The following NSD1 variants were observed in gnomAD, a reference collection of about 807,000 sequenced individuals.
NSD1 encodes nuclear receptor binding SET domain protein 1.
Under a neutral mutation model 242.7 loss-of-function variants are expected in NSD1, and 26 were observed. The ratio of observed to expected loss-of-function variants is 0.11; its 90% CI spans 0.08 to 0.15. NSD1 has a LOEUF of 0.15. Among genes scored for constraint, NSD1 ranks in the 10% least tolerant of loss-of-function variants. NSD1 has a pLI of 1.00. For synonymous variants in NSD1, 1,106 were observed against 1,178.1 expected (o/e 0.94, Z 1.25); for missense variants, 2,495 against 3,272.8 (o/e 0.76, Z 5.80).
At chr5:177,239,707 C>T (rs756620537) in intron 7 of NSD1, 49 bp from the exon 8 acceptor site, 1 of 1,128,528 alleles carries the variant, frequency 8.9e-7, no homozygotes, top group Non-Finnish European at 1.3e-6. Context: ...TAAAAATTAA[C>T]TTGTGCCCAG....
At chr5:177,159,740 A>G (rs1010975050) in intron 2 of NSD1, among the ~76,000 whole-genome samples, 1 of 151,162 alleles carries the variant, frequency 6.6e-6, no homozygotes, top group Non-Finnish European at 1.5e-5. Context: ...TTGCAGGCAT[A>G]TACCACCACG....
chr5:177,138,082 AAAAACAAC>A (rs1173704592), intron 2 of NSD1, among the ~76,000 whole-genome samples: 1 of 143,938 alleles, frequency 6.9e-6, no homozygotes, highest in African/African-American at 2.7e-5. Flanking sequence ...TCTCAAAAAA[AAAAACAAC>A]AAAAAAACAA....
chr5:177,290,136 A>T (rs931011706), intron 21 of NSD1, among the ~76,000 whole-genome samples: 3 of 149,138 alleles, frequency 2.0e-5, no homozygotes. Context: ...CCCTTATATT[A>T]TTATTTTTTA....
chr5:177,267,276 G>A (rs770981864), intron 14 of NSD1, among the ~76,000 whole-genome samples: 5 of 152,178 alleles, frequency 3.3e-5, no homozygotes, highest in Non-Finnish European at 5.9e-5. Flanking sequence ...TGTGGTTATT[G>A]TTTATTAGAG....
intron 17 of NSD1, 56 bp from the exon 18 acceptor site, chr5:177,280,509 G>A (rs1288433076): frequency 6.2e-6 from 10 of 1,611,910 alleles, no homozygotes; most frequent in East Asian, 4.5e-5. Flanking sequence ...TTTTCAGGAC[G>A]TGAATTGTCT....
chr5:177,267,755 C>A lies in NSD1; in HGVS notation c.5303+37C>A, dbSNP rs115164783. Reference sequence around the variant, plus strand: ...GAATAGCACTCATCTCTTTTACCATCCTCTGTTTCTTGAGACCTCTCAGAT... The same window carrying A: ...GAATAGCACTCATCTCTTTTACCATACTCTGTTTCTTGAGACCTCTCAGAT... On this transcript the variant is annotated intron_variant, in intron 15 of 22. Coordinates refer to ENST00000439151, the MANE Select transcript of NSD1 (RefSeq NM_022455.5). 6.8e-4 allele frequency: 1,086 copies of A among 1,604,104 alleles called. 11 individuals are homozygous for A. The African/African-American group carries it at 0.013, about 20-fold the overall frequency.
intron 21 of NSD1, 89 bp downstream of exon 21, chr5:177,289,014 A>G: frequency 1.0e-6 from 1 of 954,544 alleles, no homozygotes; most frequent in South Asian, 1.3e-5. Context: ...TTAAGAAGAA[A>G]TCTCTTTGAA....
At chr5:177,263,805 A>C (rs1330301853) in intron 14 of NSD1, among the ~76,000 whole-genome samples, 6 of 152,064 alleles carry the variant, frequency 3.9e-5, no homozygotes, top group Non-Finnish European at 8.8e-5. Context: ...AAAATGAACA[A>C]CTGTGAGCCT....
chr5:177,185,588 G>A (rs1448161212), intron 2 of NSD1, among the ~76,000 whole-genome samples: 2 of 146,700 alleles, frequency 1.4e-5, no homozygotes, highest in Non-Finnish European at 3.0e-5. Context: ...ATGAGAGCGA[G>A]ACTGTCTCAA....
Position 177,295,459 on chromosome 5 carries a change from G to C in NSD1, c.8091G>C (p.Ter2697TyrextTer28). 1.9e-6 allele frequency: 3 copies of C among 1,613,840 alleles called. No individual in the cohort carries two copies. The highest frequency in any genetic ancestry group is 2.5e-6 in the Non-Finnish European group (3 of 1,179,854). The change falls in exon 23 of 23, where the codon TAG becomes TAC. Residue 2697 changes from the stop codon to tyrosine (Y), a stop_lost. Transcript: ENST00000439151. This position sits in a 1 kb window ranked among gnomAD's most constrained non-coding sequence, Gnocchi z 4.3. ...AGTGTGCAGAATCAGAACAGAAGTA[G>C]TACCAATCAATGTCACATGAACAAA... ...SHKCAESEQK* is the reference protein window; with the variant it reads ...SHKCAESEQKY
intron 5 of NSD1, among the ~76,000 whole-genome samples, chr5:177,214,982 T>C (rs1581338275): frequency 6.6e-6 from 1 of 152,124 alleles, no homozygotes; most frequent in Admixed American, 6.5e-5. Flanking sequence ...ATTAAAAGCA[T>C]GAGCCACCAC....
intron 21 of NSD1, 143 bp downstream of exon 21, chr5:177,289,068 C>G: frequency 1.4e-6 from 1 of 704,280 alleles, no homozygotes. Context: ...GCCTGTAATC[C>G]CAGCACTTTG....
intron 4 of NSD1, 125 bp downstream of exon 4, chr5:177,204,417 A>G (rs1762728764): frequency 2.2e-6 from 2 of 893,194 alleles, no homozygotes; most frequent in African/African-American, 3.4e-5. Context: ...ACAGTGGTGC[A>G]ATCTTTGTTC....
intron 2 of NSD1, among the ~76,000 whole-genome samples, chr5:177,146,863 T>C (rs1382057574): frequency 1.3e-5 from 2 of 151,680 alleles, no homozygotes; most frequent in Non-Finnish European, 2.9e-5. Context: ...AAAAATTAGC[T>C]GGATATGGTG....
At chr5:177,200,575 G>A (rs887781335) in intron 3 of NSD1, among the ~76,000 whole-genome samples, 4 of 152,138 alleles carry the variant, frequency 2.6e-5, no homozygotes, top group East Asian at 1.9e-4. Flanking sequence ...CATCACCATA[G>A]CCCTTGGTAA....
chr5:177,278,002 G>A (rs1758539436), intron 17 of NSD1, among the ~76,000 whole-genome samples: 2 of 152,218 alleles, frequency 1.3e-5, no homozygotes, highest in East Asian at 3.9e-4. Context: ...ATTAGCTGTT[G>A]TTGTCTGTCC....
At chr5:177,262,211 T>A (rs1757051558) in intron 14 of NSD1, among the ~76,000 whole-genome samples, 1 of 152,210 alleles carries the variant, frequency 6.6e-6, no homozygotes, top group African/African-American at 2.4e-5. Flanking sequence ...TTTGTTTGAT[T>A]TTCTTCTAAA....
In NSD1 at chr5:177,204,148, C is replaced by T. The variant is rs2149836138; in HGVS notation, c.1092C>T (p.Tyr364=). ...CCAACCGGAGGCCCTATCGGCAGTA[C>T]TACGTGGAGGCTTTTGGAGATCCTT... ...KVSNRRPYRQ[Y]YVEAFGDPSE... is the part of the protein sequence containing the mutation. The change falls in exon 4 of 23, where the codon TAC becomes TAT. Residue 364 remains tyrosine (Y), a synonymous_variant. Transcript: ENST00000439151. 6.2e-7 allele frequency: 1 copy of T among 1,614,070 alleles called. No individual in the cohort carries two copies. The highest frequency in any genetic ancestry group is 8.5e-7 in the Non-Finnish European group (1 of 1,179,986).
In NSD1 at chr5:177,299,800, A is replaced by C. The variant is rs1343375661; in HGVS notation, c.*4341A>C. ...GACAAGACATGGGCACAGAGAGTAG[A>C]AGCAGAAATAAATGGTTCTATGTTT... On this transcript the variant is annotated 3_prime_UTR_variant, in exon 23 of 23. Coordinates refer to ENST00000439151, the MANE Select transcript of NSD1 (RefSeq NM_022455.5). 3 of 233,192 alleles carry C rather than the reference A, an allele frequency of 1.3e-5. No homozygotes were observed. Among genetic ancestry groups the C allele is most frequent in the Non-Finnish European group, 2.5e-5 (3 of 118,102 alleles). 14.4% of individuals were successfully genotyped at this position (233,192 alleles called of 1,614,324 possible). A position where few individuals can be genotyped will look rare whatever the true frequency, so the allele number is the denominator to read the frequency against.
Sources: gnomAD v4.1 joint callset for allele counts (sites outside exome capture counted in the v4.1 genomes callset) on GRCh38, gnomAD v4.1.1 for gene constraint, Gnocchi (gnomAD v3.1) non-coding constraint, MANE v1.5 for transcripts, NCBI Gene and HGNC (gene_info 2026-07-23, HGNC 2026-07-21) for gene names.